SPIN1: variants seen among roughly 807,000 people sequenced by gnomAD.
The protein encoded by SPIN1 is spindlin 1.
In SPIN1, 3 loss-of-function variants were observed where a neutral mutation model predicts 26.0. That is an observed-to-expected ratio of 0.12 (90% CI 0.05 to 0.30). The LOEUF (loss-of-function observed/expected upper bound fraction) is 0.30. Ranked by LOEUF, SPIN1 falls within the 10% of genes least tolerant of loss-of-function variation. The pLI is 1.00. For synonymous variants in SPIN1, 101 were observed against 116.5 expected (o/e 0.87, Z 0.86); for missense variants, 126 against 333.4 (o/e 0.38, Z 4.84).
At position 88,395,380 on chromosome 9, in the gene SPIN1, C is replaced by G. The variant is rs115273915; in HGVS notation, c.-159+6842C>G. ...GTTCTATGCACACTGCTCCCTTTTA[C>G]TTAATTTATTCTGGAGAGCGCTTCA... On this transcript the variant is annotated intron_variant, in intron 1 of 5. Coordinates refer to ENST00000375859, the MANE Select transcript of SPIN1 (RefSeq NM_006717.3). Among the ~76,000 whole-genome samples the G allele has an allele frequency of 7.5e-3, 1,135 of 152,026 alleles. 19 individuals carry two copies. The highest frequency in any genetic ancestry group is 0.026 in the African/African-American group (1,061 of 41,462).
Position 88,472,155 on chromosome 9 carries a change from T to C in SPIN1, c.590-2923T>C, listed in dbSNP as rs115561704. ...ATTCTGGGTCCCTTGCAATTTCATA[T>C]AAATTTTAGAATCAACTTGTCAGAA... On this transcript the variant is annotated intron_variant, in intron 5 of 5. Transcript: ENST00000375859. Among the ~76,000 whole-genome samples the C allele has an allele frequency of 9.9e-3, 1,513 of 152,316 alleles. 12 individuals carry two copies. The highest frequency in any genetic ancestry group is 0.011 in the African/African-American group (456 of 41,570).
chr9:88,411,295 GC>G, intron 1 of SPIN1: 1 of 1,315,728 alleles, frequency 7.6e-7, no homozygotes. Flanking sequence ...CAAACTCAAA[GC>G]CCCTGGAGCA....
chr9:88,408,376 CTTTTTTTTTTTTTTT>C (rs1177261349), intron 1 of SPIN1, among the ~76,000 whole-genome samples: 2 of 115,438 alleles, frequency 1.7e-5, no homozygotes, highest in Non-Finnish European at 3.4e-5. Flanking sequence ...TCCTTTTTTT[CTTTTTTTTTTTTTTT>C]TTTTGAGACG....
At chr9:88,462,376 A>G (rs142360926) in intron 3 of SPIN1, 120 bp from the exon 4 acceptor site, 3 of 1,383,000 alleles carry the variant, frequency 2.2e-6, no homozygotes, top group African/African-American at 1.4e-5. Flanking sequence ...TGTGGCAAAC[A>G]TGAGTTTGTA....
intron 2 of SPIN1, among the ~76,000 whole-genome samples, chr9:88,437,661 ACTGT>A (rs1828033012): frequency 6.6e-6 from 1 of 152,174 alleles, no homozygotes; most frequent in Non-Finnish European, 1.5e-5. Context: ...AAATTGCCAA[ACTGT>A]CTTCCAAAGC....
At chr9:88,411,621 CTTCT>C (rs986985572) in intron 1 of SPIN1, among the ~76,000 whole-genome samples, 8 of 152,054 alleles carry the variant, frequency 5.3e-5, no homozygotes, top group African/African-American at 1.9e-4. Flanking sequence ...TCAAGCTGTC[CTTCT>C]GTGTCAGCCT....
At chr9:88,444,172 G>C (rs942346727) in intron 2 of SPIN1, among the ~76,000 whole-genome samples, 1 of 151,186 alleles carries the variant, frequency 6.6e-6, no homozygotes, top group East Asian at 1.9e-4. Context: ...TTAAGTGCCA[G>C]ATTCTCTTCA....
rs1388259272 is a variant in SPIN1 at position 88,426,314 on chromosome 9, T to C, written c.-158-68T>C. On this transcript the variant is annotated intron_variant, in intron 1 of 5. Transcript: ENST00000375859. Reference sequence around the variant, plus strand: ...ATACTTTTGCTTAAAATTTTATGTTTAATGGCTCACTAGGCATAATTTTGC... The same window carrying C: ...ATACTTTTGCTTAAAATTTTATGTTCAATGGCTCACTAGGCATAATTTTGC... 7.7e-6 allele frequency: 3 copies of C among 387,804 alleles called. No individual in the cohort carries two copies. The Admixed American group carries it at 1.3e-4, about 17-fold the overall frequency. The allele number at this position is 387,804 out of a possible 1,614,324, so 24.0% of individuals were successfully genotyped here. A position where few individuals can be genotyped will look rare whatever the true frequency, so the allele number is the denominator to read the frequency against.
At chr9:88,421,029 T>C (rs1321046617) in intron 1 of SPIN1, among the ~76,000 whole-genome samples, 1 of 152,226 alleles carries the variant, frequency 6.6e-6, no homozygotes, top group African/African-American at 2.4e-5. Context: ...TAAAGCTGTT[T>C]AAGATCCTTA....
intron 4 of SPIN1, among the ~76,000 whole-genome samples, chr9:88,466,926 G>A (rs191383096): frequency 2.6e-5 from 4 of 152,174 alleles, no homozygotes; most frequent in Admixed American, 6.5e-5. Flanking sequence ...TAGTAGAGAC[G>A]GGGTTTTGTC....
chr9:88,388,909 G>T (rs1361685213), intron 1 of SPIN1, among the ~76,000 whole-genome samples: 1 of 151,154 alleles, frequency 6.6e-6, no homozygotes, highest in Non-Finnish European at 1.5e-5. Context: ...CGGGCAGGGG[G>T]CGGCGGCGCT....
rs1388009739 is a variant in SPIN1, at chr9:88,445,726, A to G, written c.53-3215A>G. Among the ~76,000 whole-genome samples the G allele has an allele frequency of 2.6e-5, 4 of 151,024 alleles. No homozygotes were observed. In the East Asian group the frequency reaches 7.8e-4, roughly 29 times the overall value. On this transcript the variant is annotated intron_variant, in intron 2 of 5. Transcript: ENST00000375859. ...TTTTCCCCCCGTATTTTTGGCAGAGACAATGTTTCACCATGTTGGCCAGGC... is the reference window on the plus strand; with the variant it reads ...TTTTCCCCCCGTATTTTTGGCAGAGGCAATGTTTCACCATGTTGGCCAGGC...
At chr9:88,408,612 T>C (rs1054545999) in intron 1 of SPIN1, among the ~76,000 whole-genome samples, 7 of 151,634 alleles carry the variant, frequency 4.6e-5, no homozygotes, top group Admixed American at 2.6e-4. Flanking sequence ...CCTGACCTTA[T>C]GATCCACCCG....
chr9:88,434,392 GT>G (rs2118061125), intron 2 of SPIN1, among the ~76,000 whole-genome samples: 1 of 135,138 alleles, frequency 7.4e-6, no homozygotes, highest in East Asian at 2.2e-4. Context: ...TTATAAAATA[GT>G]TTATTTTATA....
chr9:88,412,710 TCTCA>T (rs1191781916), intron 1 of SPIN1, among the ~76,000 whole-genome samples: 5 of 152,000 alleles, frequency 3.3e-5, no homozygotes, highest in South Asian at 2.1e-4. Context: ...TTTTAGACAG[TCTCA>T]CTCAGTCACC....
chr9:88,457,393 G>A (rs1828492135), intron 3 of SPIN1, among the ~76,000 whole-genome samples: 1 of 152,102 alleles, frequency 6.6e-6, no homozygotes, highest in African/African-American at 2.4e-5. Flanking sequence ...GCCGGGTGTG[G>A]TGGTGCACAC....
rs57244433 is a variant in SPIN1, at chr9:88,393,445, G to GTTTTTTT, written c.-159+4929_-159+4935dup. On this transcript the variant is annotated intron_variant, in intron 1 of 5. Transcript: ENST00000375859. ...AGAATGTCCTTTTTCTTGCTTTTGG[G>GTTTTTTT]TTTTTTTTTTTTTTTTTTTTTTTTT... 2.7e-3 allele frequency among the ~76,000 whole-genome samples: 239 copies of GTTTTTTT among 88,428 alleles called. 29 individuals are homozygous for GTTTTTTT. Among genetic ancestry groups the GTTTTTTT allele is most frequent in the African/African-American group, 9.0e-3 (162 of 17,910 alleles). The allele number at this position is 88,428 out of a possible 152,430, so 58.0% of individuals were successfully genotyped here.
chr9:88,445,079 G>T (rs1410417704), intron 2 of SPIN1, among the ~76,000 whole-genome samples: 1 of 152,222 alleles, frequency 6.6e-6, no homozygotes, highest in African/African-American at 2.4e-5. Context: ...TTTGGCATTT[G>T]AGGCACCCTT....
chr9:88,414,044 T>TA (rs1172822965), intron 1 of SPIN1, among the ~76,000 whole-genome samples: 2 of 136,098 alleles, frequency 1.5e-5, no homozygotes, highest in South Asian at 2.3e-4. Context: ...AAAAAAAAAA[T>TA]ACAAATTAGG....
Sources: allele counts gnomAD v4.1 joint callset (sites outside exome capture counted in the v4.1 genomes callset), GRCh38; gene constraint gnomAD v4.1.1; transcripts MANE v1.5; gene names NCBI Gene and HGNC (gene_info 2026-07-23, HGNC 2026-07-21).